NFIC: variants seen among roughly 807,000 people sequenced by gnomAD.
NFIC encodes nuclear factor I C.
In NFIC, 12 loss-of-function variants were observed where a neutral mutation model predicts 54.4. The ratio of observed to expected loss-of-function variants is 0.22; its 90% confidence interval spans 0.14 to 0.36. NFIC has a LOEUF of 0.36. Ranked by LOEUF, NFIC falls within the 10% of genes least tolerant of loss-of-function variation. The pLI, the probability that NFIC is intolerant of heterozygous loss-of-function variation, is 1.00. For missense variants in NFIC, 575 were observed against 718.2 expected (o/e 0.80, Z 2.28); for synonymous variants, 322 against 319.2 (o/e 1.01, Z -0.09).
chr19:3,393,094 C>A (rs1177701829), intron 2 of NFIC, among the ~76,000 whole-genome samples: 1 of 152,150 alleles, frequency 6.6e-6, no homozygotes, highest in Non-Finnish European at 1.5e-5. Context: ...GTGCCCGCCA[C>A]CACACCCAGC....
chr19:3,395,713 C>T (rs1456082902), intron 2 of NFIC, among the ~76,000 whole-genome samples: 1 of 151,870 alleles, frequency 6.6e-6, no homozygotes, highest in Non-Finnish European at 1.5e-5. Context: ...CGGAGTCTTG[C>T]TTTGTCACCC....
At chr19:3,445,852 G>T (rs1599707383) in intron 6 of NFIC, among the ~76,000 whole-genome samples, 1 of 152,288 alleles carries the variant, frequency 6.6e-6, no homozygotes. Flanking sequence ...GGAACCACCA[G>T]CAGGAGACCC....
chr19:3,364,954 A>G (rs1346388409), upstream of NFIC, among the ~76,000 whole-genome samples: 3 of 152,178 alleles, frequency 2.0e-5, no homozygotes, highest in Admixed American at 6.6e-5. Flanking sequence ...AATGCTCCCC[A>G]CAGCTGCACA....
chr19:3,381,603 ACT>A, intron 1 of NFIC, 107 bp from the exon 2 acceptor site: 1 of 1,438,606 alleles, frequency 7.0e-7, no homozygotes, highest in East Asian at 2.5e-5. Flanking sequence ...AGCCCCTCCC[ACT>A]CTGCGGGTCT....
Position 3,466,956 on chromosome 19 carries a change from C to T in NFIC, c.*4187C>T, listed in dbSNP as rs1017998658. 1 of 152,144 alleles carries T rather than the reference C, an allele frequency of 6.6e-6. No homozygotes were observed. Among genetic ancestry groups the T allele is most frequent in the Non-Finnish European group, 1.5e-5 (1 of 68,036 alleles). 9.4% of individuals were successfully genotyped at this position (152,144 alleles called of 1,614,324 possible). ...GTTTCTTGGAAAAGCTACAGGGTCC[C>T]TGTAGGGCAAAATTCCCAGGCGCCT... On this transcript the variant is annotated 3_prime_UTR_variant, in exon 11 of 11. Coordinates refer to ENST00000443272, the MANE Select transcript of NFIC (RefSeq NM_001245002.2). The surrounding 1 kb of genome is among the most constrained non-coding windows in gnomAD (Gnocchi z 4.8).
chr19:3,392,878 G>A (rs908572617), intron 2 of NFIC, among the ~76,000 whole-genome samples: 2 of 152,222 alleles, frequency 1.3e-5, no homozygotes, highest in Admixed American at 1.3e-4. Context: ...GAGGGGCGAG[G>A]CATTGCCCCG....
At chr19:3,444,855 G>A (rs922182312) in intron 6 of NFIC, among the ~76,000 whole-genome samples, 9 of 152,154 alleles carry the variant, frequency 5.9e-5, no homozygotes, top group East Asian at 1.9e-4. Context: ...ATATATGCAC[G>A]CACGTGCACA....
intron 2 of NFIC, among the ~76,000 whole-genome samples, chr19:3,404,229 A>C (rs1287876924): frequency 2.0e-5 from 3 of 150,608 alleles, no homozygotes; most frequent in African/African-American, 7.4e-5. Flanking sequence ...CTGGGAAGCC[A>C]AGAATTTGCT....
At chr19:3,362,297 G>A (rs144304549), upstream of NFIC, among the ~76,000 whole-genome samples, 1 of 152,220 alleles carries the variant, frequency 6.6e-6, no homozygotes, top group East Asian at 1.9e-4. Context: ...TGTGTTTGTG[G>A]TTGTGTCTGC....
intron 6 of NFIC, among the ~76,000 whole-genome samples, chr19:3,440,560 A>C (rs1444168555): frequency 6.6e-6 from 1 of 151,684 alleles, no homozygotes; most frequent in Non-Finnish European, 1.5e-5. Context: ...CCTCCCGAAT[A>C]GCTAGGATTA....
In NFIC at chr19:3,456,652, C is replaced by T. The variant is rs948621054; in HGVS notation, c.1509+17C>T. ...CAGGCACAGGTAGGGGCCGAGAGGC[C>T]GGCTGGTGGGGTGGGAGGGGCAGGG... On this transcript the variant is annotated intron_variant, in intron 10 of 10. Transcript: ENST00000443272. 27 of 568,230 alleles carry T rather than the reference C, an allele frequency of 4.8e-5. No individual in the cohort carries two copies. Among genetic ancestry groups the T allele is most frequent in the Non-Finnish European group, 7.2e-5 (23 of 318,078 alleles). The allele number at this position is 568,230 out of a possible 1,614,324, so 35.2% of individuals were successfully genotyped here.
chr19:3,409,162 G>T (rs533787990), intron 2 of NFIC, among the ~76,000 whole-genome samples: 1 of 152,232 alleles, frequency 6.6e-6, no homozygotes, highest in African/African-American at 2.4e-5. Context: ...CTCTCCGTTC[G>T]TTCCTCTTTC....
chr19:3,419,095 G>A (rs548070825), intron 2 of NFIC, among the ~76,000 whole-genome samples: 1 of 152,066 alleles, frequency 6.6e-6, no homozygotes, highest in Non-Finnish European at 1.5e-5. Flanking sequence ...CGGGGAGTGA[G>A]TGTTTCATGG....
chr19:3,398,786 G>A (rs931444479), intron 2 of NFIC, among the ~76,000 whole-genome samples: 27 of 152,174 alleles, frequency 1.8e-4, no homozygotes, highest in Non-Finnish European at 2.9e-4. Context: ...CAGCCGGCCC[G>A]CTTACATAAG....
rs746713531 is a variant in NFIC at position 3,449,120 on chromosome 19, C to G, written c.1065C>G (p.Pro355=). 2 of 1,613,514 alleles carry G rather than the reference C, an allele frequency of 1.2e-6. No individual in the cohort carries two copies. Among genetic ancestry groups the G allele is most frequent in the Admixed American group, 1.7e-5 (1 of 59,950 alleles). ...RLSSFTQHHR[P]VIAVHSGIAR... ...CCAGCTTCACCCAGCACCACCGGCC[C>G]GTCATCGCCGTGCACAGCGGTAAGC... The change falls in exon 7 of 11, where the codon CCC becomes CCG. Residue 355 remains proline, a synonymous_variant. Coordinates refer to ENST00000443272, the MANE Select transcript of NFIC (RefSeq NM_001245002.2).
rs1404297870 is a variant in NFIC, at chr19:3,465,543, C to T, written c.*2774C>T. On this transcript the variant is annotated 3_prime_UTR_variant, in exon 11 of 11. Coordinates refer to ENST00000443272, the MANE Select transcript of NFIC (RefSeq NM_001245002.2). ...CTGGCTGTCCTTGGTCCTGTCTCCC[C>T]TCCTGCTGTATTCAGGGGTGCCCCC... The T allele has an allele frequency of 1.3e-5, 2 of 152,152 alleles. No homozygotes were observed. The highest frequency in any genetic ancestry group is 6.5e-5 in the Admixed American group (1 of 15,282). The allele number at this position is 152,152 out of a possible 1,614,324, so 9.4% of individuals were successfully genotyped here.
upstream of NFIC, among the ~76,000 whole-genome samples, chr19:3,362,470 T>TG (rs1452241417): frequency 1.3e-5 from 2 of 151,702 alleles, no homozygotes; most frequent in Non-Finnish European, 2.9e-5. Flanking sequence ...AGGTCAGGTG[T>TG]GGGGGGAAGG....
chr19:3,360,144 G>A (rs1335300154), intron 1 of NFIC, among the ~76,000 whole-genome samples: 1 of 145,500 alleles, frequency 6.9e-6, no homozygotes, highest in Non-Finnish European at 1.5e-5. Flanking sequence ...GGCGGCCCCC[G>A]CGGGGTGCCC....
chr19:3,372,500 G>A (rs1434323781), intron 1 of NFIC, among the ~76,000 whole-genome samples: 1 of 152,208 alleles, frequency 6.6e-6, no homozygotes, highest in East Asian at 1.9e-4. Context: ...GATCAAAGCT[G>A]TGCCCTTGTG....
Sources: allele counts gnomAD v4.1 joint callset (sites outside exome capture counted in the v4.1 genomes callset), GRCh38; gene constraint gnomAD v4.1.1; non-coding constraint Gnocchi (gnomAD v3.1); transcripts MANE v1.5; gene names NCBI Gene and HGNC (gene_info 2026-07-23, HGNC 2026-07-21).